VAMP4: variants seen among roughly 807,000 people sequenced by gnomAD.
VAMP4 encodes vesicle associated membrane protein 4, also known as vesicle-associated membrane protein 4.
A neutral mutation model predicts 23.5 loss-of-function variants in VAMP4; 19 were observed. The ratio of observed to expected loss-of-function variants is 0.81; its 90% CI spans 0.56 to 1.19. The LOEUF (loss-of-function observed/expected upper bound fraction) is 1.19. Among genes scored for constraint, VAMP4 ranks in the 50% most tolerant of loss-of-function variants. The pLI, the probability that VAMP4 is intolerant of heterozygous loss-of-function variation, is 0.00. For missense variants in VAMP4, 145 were observed against 168.6 expected (o/e 0.86, Z 0.78); for synonymous variants, 31 against 51.0 (o/e 0.61, Z 1.67).
At chr1:171,736,524 T>C (rs1655746348) in intron 2 of VAMP4, among the ~76,000 whole-genome samples, 1 of 152,124 alleles carries the variant, frequency 6.6e-6, no homozygotes, top group South Asian at 2.1e-4. Flanking sequence ...TAGTAAGCAG[T>C]TGAAATTATG....
chr1:171,706,263 A>G, intron 7 of VAMP4, 104 bp downstream of exon 7: 1 of 1,069,864 alleles, frequency 9.3e-7, no homozygotes. Flanking sequence ...GTCATTATTC[A>G]ATCCTGACTT....
chr1:171,735,889 C>CT (rs1030648040), intron 2 of VAMP4, among the ~76,000 whole-genome samples: 3 of 151,468 alleles, frequency 2.0e-5, no homozygotes, highest in Admixed American at 6.6e-5. Flanking sequence ...TAAAGACATG[C>CT]TTTTTTTTTC....
chr1:171,733,151 T>C (rs1655614223), intron 2 of VAMP4, among the ~76,000 whole-genome samples: 1 of 152,006 alleles, frequency 6.6e-6, no homozygotes, highest in Non-Finnish European at 1.5e-5. Context: ...AGCATTACAT[T>C]TATAATATAA....
Position 171,700,689 on chromosome 1 carries a change from A to G in VAMP4, c.*3817T>C, listed in dbSNP as rs1384852348. 1 of 152,184 alleles carries G rather than the reference A, an allele frequency of 6.6e-6. No individual in the cohort carries two copies. Among genetic ancestry groups the G allele is most frequent in the Non-Finnish European group, 1.5e-5 (1 of 68,038 alleles). The allele number at this position is 152,184 out of a possible 1,614,324, so 9.4% of individuals were successfully genotyped here. A position where few individuals can be genotyped will look rare whatever the true frequency, so the allele number is the denominator to read the frequency against. ...CTTCTCCAGAGAGCACTGTGGAGTCACCTCTCACTGATATACTAACATGTG... is the reference window on the plus strand; with the variant it reads ...CTTCTCCAGAGAGCACTGTGGAGTCGCCTCTCACTGATATACTAACATGTG... On this transcript the variant is annotated 3_prime_UTR_variant, in exon 8 of 8. Transcript: ENST00000236192.
intron 3 of VAMP4, among the ~76,000 whole-genome samples, chr1:171,723,938 C>G (rs1655280348): frequency 6.6e-6 from 1 of 152,178 alleles, no homozygotes; most frequent in African/African-American, 2.4e-5. Context: ...GCTCTTCTGC[C>G]ATGGCTTCAG....
rs236895 is a variant in VAMP4 at position 171,703,419 on chromosome 1, T to A, written c.*1087A>T. 3.2e-4 allele frequency: 28 copies of A among 87,930 alleles called. No individual in the cohort carries two copies. Among genetic ancestry groups the A allele is most frequent in the African/African-American group, 7.8e-4 (19 of 24,436 alleles). 5.4% of individuals were successfully genotyped at this position (87,930 alleles called of 1,614,324 possible). On this transcript the variant is annotated 3_prime_UTR_variant, in exon 8 of 8. Transcript: ENST00000236192. ...TGTGTGTGTGTGTGTGTGTGTGTGTTTGTGTGTATATATATATATATATAT... is the reference window on the plus strand; with the variant it reads ...TGTGTGTGTGTGTGTGTGTGTGTGTATGTGTGTATATATATATATATATAT...
At chr1:171,705,924 T>C (rs1654634203) in intron 7 of VAMP4, among the ~76,000 whole-genome samples, 1 of 151,928 alleles carries the variant, frequency 6.6e-6, no homozygotes, top group Non-Finnish European at 1.5e-5. Context: ...CAAAAAAAAA[T>C]CATCTGGAGA....
At chr1:171,737,938 T>A (rs191396744) in intron 2 of VAMP4, among the ~76,000 whole-genome samples, 18 of 152,092 alleles carry the variant, frequency 1.2e-4, no homozygotes, top group Admixed American at 1.1e-3. Flanking sequence ...AGGATTAGAA[T>A]ATAGTCATAA....
chr1:171,733,733 T>A (rs1655638480), intron 2 of VAMP4, among the ~76,000 whole-genome samples: 1 of 152,150 alleles, frequency 6.6e-6, no homozygotes, highest in Non-Finnish European at 1.5e-5. Flanking sequence ...CCGGTGAGAA[T>A]GTAAAAATTG....
rs1654405094 is a variant in VAMP4, at chr1:171,700,797, C to A, written c.*3709G>T. Reference sequence around the variant, plus strand: ...AAGGTTCACAGCACTGTGCTGGGTGCTGGGGAGACAGAAACATGGTGTGGT... The same window carrying A: ...AAGGTTCACAGCACTGTGCTGGGTGATGGGGAGACAGAAACATGGTGTGGT... On this transcript the variant is annotated 3_prime_UTR_variant, in exon 8 of 8. Coordinates refer to ENST00000236192, the MANE Select transcript of VAMP4 (RefSeq NM_003762.5). 1 of 152,192 alleles carries A rather than the reference C, an allele frequency of 6.6e-6. No homozygotes were observed. The highest frequency in any genetic ancestry group is 2.1e-4 in the South Asian group (1 of 4,828). The allele number at this position is 152,192 out of a possible 1,614,324, so 9.4% of individuals were successfully genotyped here.
At chr1:171,726,123 C>T (rs1655362108) in intron 3 of VAMP4, among the ~76,000 whole-genome samples, 2 of 152,102 alleles carry the variant, frequency 1.3e-5, no homozygotes, top group Admixed American at 1.3e-4. Flanking sequence ...GCAATCTTGG[C>T]TCACTGCAAC....
At chr1:171,720,349 C>T (rs1389799251) in intron 3 of VAMP4, among the ~76,000 whole-genome samples, 3 of 151,866 alleles carry the variant, frequency 2.0e-5, no homozygotes, top group African/African-American at 7.2e-5. Context: ...TTAAAATGAT[C>T]CCCACTACAG....
chr1:171,704,439 T>G lies in VAMP4; in HGVS notation c.*67A>C. 7.1e-7 allele frequency: 1 copy of G among 1,413,840 alleles called. No homozygotes were observed. Among genetic ancestry groups the G allele is most frequent in the Non-Finnish European group, 9.5e-7 (1 of 1,047,312 alleles). The allele number at this position is 1,413,840 out of a possible 1,614,324, so 87.6% of individuals were successfully genotyped here. The stretch of plus-strand genomic sequence containing the variant: ...GAAAGTTATATACACATAGGTTTCA[T>G]TTAAATTATGCAGCAATCTTTTATT... On this transcript the variant is annotated 3_prime_UTR_variant, in exon 8 of 8. Transcript: ENST00000236192.
chr1:171,737,946 TA>T (rs759314728), intron 2 of VAMP4, among the ~76,000 whole-genome samples: 37 of 151,276 alleles, frequency 2.4e-4, no homozygotes, highest in Non-Finnish European at 3.7e-4. Flanking sequence ...AATATAGTCA[TA>T]AGCTTTTGAT....
rs918097480 is a variant in VAMP4, at chr1:171,703,735, A to T, written c.*771T>A. The T allele has an allele frequency of 1.3e-5, 2 of 152,148 alleles. No homozygotes were observed. The highest frequency in any genetic ancestry group is 6.6e-5 in the Admixed American group (1 of 15,196). 9.4% of individuals were successfully genotyped at this position (152,148 alleles called of 1,614,324 possible). On this transcript the variant is annotated 3_prime_UTR_variant, in exon 8 of 8. Transcript: ENST00000236192. The stretch of plus-strand genomic sequence containing the variant: ...GGACTGACTGGTCTCTCTTTATTGG[A>T]GTTTAACAGAAAACAGACTGGACCA...
intron 3 of VAMP4, among the ~76,000 whole-genome samples, chr1:171,719,699 G>A (rs3820167): frequency 0.51 from 77,262 of 151,710 alleles, 19,949 homozygotes; most frequent in Middle Eastern, 0.6. Flanking sequence ...ATTCATTGAA[G>A]ACACTAACAA....
chr1:171,734,959 C>T (rs1655691245), intron 2 of VAMP4, among the ~76,000 whole-genome samples: 1 of 152,028 alleles, frequency 6.6e-6, no homozygotes, highest in South Asian at 2.1e-4. Context: ...GTAATTTTTC[C>T]TGCCCTTGTT....
Position 171,707,161 on chromosome 1 carries a change from T to A in VAMP4, c.346-743A>T, listed in dbSNP as rs184288652. Among the ~76,000 whole-genome samples the A allele has an allele frequency of 1.3e-3, 194 of 152,294 alleles. 1 individual carries two copies. The highest frequency in any genetic ancestry group is 4.5e-3 in the African/African-American group (188 of 41,574). The stretch of plus-strand genomic sequence containing the variant: ...CAAATAACATGAACAAAAATCTGTT[T>A]GTCATTAAACATATAAGAGTTTCAC... On this transcript the variant is annotated intron_variant, in intron 6 of 7. Transcript: ENST00000236192.
At chr1:171,716,898 C>G (rs879835632) in intron 4 of VAMP4, among the ~76,000 whole-genome samples, 1 of 152,138 alleles carries the variant, frequency 6.6e-6, no homozygotes, top group African/African-American at 2.4e-5. Context: ...CTAACTAAAT[C>G]CAGCAAGCTT....
Sources: gnomAD v4.1 joint callset for allele counts (sites outside exome capture counted in the v4.1 genomes callset) on GRCh38, gnomAD v4.1.1 for gene constraint, MANE v1.5 for transcripts, NCBI Gene and HGNC (gene_info 2026-07-23, HGNC 2026-07-21) for gene names.